Variants in AMBRA1 observed in about 807,000 individuals in gnomAD.
AMBRA1 encodes the protein activating molecule in BECN1-regulated autophagy protein 1.
In AMBRA1, 47 loss-of-function variants were observed where a neutral mutation model predicts 125.4. The observed-to-expected ratio is 0.37, with a 90% CI of 0.30 to 0.48. AMBRA1 has a LOEUF of 0.48. Ranked by LOEUF, AMBRA1 falls within the 20% of genes least tolerant of loss-of-function variation. The pLI, the probability that AMBRA1 is intolerant of heterozygous loss-of-function variation, is 0.99. For missense variants in AMBRA1, 1,331 were observed against 1,693.4 expected (o/e 0.79, Z 3.76); for synonymous variants, 626 against 655.5 (o/e 0.95, Z 0.69).
In AMBRA1 at chr11:46,418,647, G is replaced by A. The variant is rs887602249; in HGVS notation, c.2977-595C>T. Among the ~76,000 whole-genome samples the A allele has an allele frequency of 4.6e-5, 7 of 151,948 alleles. No individual in the cohort carries two copies. In the South Asian group the frequency reaches 1.0e-3, roughly 23 times the overall value. ...TTCCCACCTATGAGTGAGAACATGC[G>A]GTGTTTGGTTTTCGAACAGGATGAC... is the stretch of plus-strand genomic sequence containing the variant. On this transcript the variant is annotated intron_variant, in intron 14 of 17. Transcript: ENST00000683756.
At chr11:46,459,737 C>CAT (rs151108587) in intron 11 of AMBRA1, among the ~76,000 whole-genome samples, 1 of 132,354 alleles carries the variant, frequency 7.6e-6, no homozygotes, top group East Asian at 2.0e-4. Flanking sequence ...AAAAAATACA[C>CAT]ATACACACAC....
chr11:46,422,467 G>A (rs1013147082), intron 14 of AMBRA1, among the ~76,000 whole-genome samples: 2 of 152,148 alleles, frequency 1.3e-5, no homozygotes, highest in East Asian at 1.9e-4. Flanking sequence ...CTCTTGTACC[G>A]CTTGCCTCTC....
chr11:46,559,353 C>A (rs1407723319), intron 1 of AMBRA1, among the ~76,000 whole-genome samples: 1 of 151,880 alleles, frequency 6.6e-6, no homozygotes, highest in Non-Finnish European at 1.5e-5. Context: ...CCATTACCAA[C>A]CTAATTTCAG....
At chr11:46,423,119 T>C (rs1237144046) in intron 14 of AMBRA1, among the ~76,000 whole-genome samples, 1 of 152,198 alleles carries the variant, frequency 6.6e-6, no homozygotes, top group Non-Finnish European at 1.5e-5. Flanking sequence ...ACAGCTGACC[T>C]TTCCATTGGA....
At chr11:46,517,320 G>C (rs188699307) in intron 7 of AMBRA1, among the ~76,000 whole-genome samples, 3 of 150,928 alleles carry the variant, frequency 2.0e-5, no homozygotes, top group Admixed American at 2.0e-4. Flanking sequence ...GCTGATTTTT[G>C]TATTTTTAGT....
chr11:46,408,488 C>A (rs756194862), intron 17 of AMBRA1, 25 bp downstream of exon 17: 4 of 1,491,772 alleles, frequency 2.7e-6, no homozygotes, highest in Non-Finnish European at 2.7e-6. Flanking sequence ...CTCTCCCACC[C>A]CCTCCAGCGC....
intron 7 of AMBRA1, among the ~76,000 whole-genome samples, chr11:46,524,983 T>TTA (rs1261648370): frequency 6.6e-6 from 1 of 152,188 alleles, no homozygotes; most frequent in Non-Finnish European, 1.5e-5. Context: ...CTTCTGTTAG[T>TTA]TATATATATC....
At chr11:46,539,117 G>A (rs779751806) in intron 7 of AMBRA1, among the ~76,000 whole-genome samples, 1 of 151,762 alleles carries the variant, frequency 6.6e-6, no homozygotes, top group Non-Finnish European at 1.5e-5. Flanking sequence ...ACGGAATATA[G>A]ATTAAAGAAA....
At chr11:46,562,069 T>C (rs1404072975) in intron 1 of AMBRA1, among the ~76,000 whole-genome samples, 1 of 152,178 alleles carries the variant, frequency 6.6e-6, no homozygotes, top group Non-Finnish European at 1.5e-5. Context: ...AACAATACTT[T>C]CAAGTACTGA....
At chr11:46,444,194 C>A (rs566404254) in intron 11 of AMBRA1, among the ~76,000 whole-genome samples, 1 of 152,154 alleles carries the variant, frequency 6.6e-6, no homozygotes, top group Non-Finnish European at 1.5e-5. Flanking sequence ...ACCCCTGGCA[C>A]GTAACACAAT....
At chr11:46,464,696 C>A (rs1465940118) in intron 11 of AMBRA1, among the ~76,000 whole-genome samples, 1 of 152,082 alleles carries the variant, frequency 6.6e-6, no homozygotes, top group African/African-American at 2.4e-5. Context: ...AACAACTTGC[C>A]TTTGATATGC....
chr11:46,539,095 T>C (rs993746135), intron 7 of AMBRA1, among the ~76,000 whole-genome samples: 1 of 151,712 alleles, frequency 6.6e-6, no homozygotes, highest in Non-Finnish European at 1.5e-5. Flanking sequence ...GATATCTAGG[T>C]GCCGGGAGCA....
intron 17 of AMBRA1, among the ~76,000 whole-genome samples, chr11:46,407,753 C>T (rs1299650789): frequency 1.3e-5 from 2 of 152,206 alleles, no homozygotes; most frequent in East Asian, 3.8e-4. Context: ...GTGGCTTTTC[C>T]TCCCATGGTC....
chr11:46,568,868 G>A (rs1380706468), intron 1 of AMBRA1, among the ~76,000 whole-genome samples: 1 of 138,636 alleles, frequency 7.2e-6, no homozygotes, highest in Non-Finnish European at 1.5e-5. Flanking sequence ...GAGCAGTGGC[G>A]CCATCTCAGC....
At chr11:46,441,225 T>G (rs1947985846) in intron 12 of AMBRA1, among the ~76,000 whole-genome samples, 1 of 152,186 alleles carries the variant, frequency 6.6e-6, no homozygotes, top group Non-Finnish European at 1.5e-5. Context: ...TATTAAAAGA[T>G]AAGCTGGGCC....
chr11:46,464,384 T>C (rs1379387104), intron 11 of AMBRA1, among the ~76,000 whole-genome samples: 2 of 152,086 alleles, frequency 1.3e-5, no homozygotes, highest in Non-Finnish European at 2.9e-5. Context: ...AGTTGCTGCA[T>C]TTCCCTGGAT....
chr11:46,575,153 G>A (rs1436263910), intron 1 of AMBRA1, among the ~76,000 whole-genome samples: 1 of 152,098 alleles, frequency 6.6e-6, no homozygotes, highest in Non-Finnish European at 1.5e-5. Context: ...CTTTTGGGCT[G>A]CTTTAACAAA....
chr11:46,398,000 G>A, intron 17 of AMBRA1, 57 bp from the exon 18 acceptor site: 1 of 1,524,144 alleles, frequency 6.6e-7, no homozygotes, highest in East Asian at 2.3e-5. Flanking sequence ...GGCCTCTGAG[G>A]CAGGTGGGCA....
intron 9 of AMBRA1, 69 bp downstream of exon 9, chr11:46,508,122 C>T (rs1234643738): frequency 2.6e-6 from 4 of 1,521,562 alleles, no homozygotes; most frequent in Non-Finnish European, 3.6e-6. Flanking sequence ...GTAGCTCCAA[C>T]AGTGGCCAAC....
Sources: allele counts gnomAD v4.1 joint callset (sites outside exome capture counted in the v4.1 genomes callset), GRCh38; gene constraint gnomAD v4.1.1; transcripts MANE v1.5; gene names NCBI Gene and HGNC (gene_info 2026-07-23, HGNC 2026-07-21).